Variants in RAF1 observed in about 807,000 individuals in gnomAD.
RAF1 encodes the protein RAF proto-oncogene serine/threonine-protein kinase.
Under a neutral mutation model 81.1 loss-of-function variants are expected in RAF1, and 27 were observed. The observed-to-expected ratio is 0.33, with a 90% CI of 0.25 to 0.46. The LOEUF is 0.46. Ranked by LOEUF, RAF1 falls within the 20% of genes least tolerant of loss-of-function variation. The pLI, the probability that RAF1 is intolerant of heterozygous loss-of-function variation, is 1.00. For missense variants in RAF1, 598 were observed against 826.0 expected (o/e 0.72, Z 3.38); for synonymous variants, 298 against 294.0 (o/e 1.01, Z -0.14).
chr3:12,654,418 A>G (rs1025844252), intron 1 of RAF1, among the ~76,000 whole-genome samples: 4 of 152,014 alleles, frequency 2.6e-5, no homozygotes, highest in Non-Finnish European at 5.9e-5. Flanking sequence ...CCTGGGCAAC[A>G]TGGCAAAACC....
intron 2 of RAF1, among the ~76,000 whole-genome samples, chr3:12,617,285 T>C (rs2059398853): frequency 6.6e-6 from 1 of 152,082 alleles, no homozygotes; most frequent in South Asian, 2.1e-4. Context: ...GCTGTAATTT[T>C]TGCAATTTTA....
At chr3:12,591,958 CTG>C (rs1173888442) in intron 11 of RAF1, 166 bp from the exon 11 acceptor site, 1 of 663,706 alleles carries the variant, frequency 1.5e-6, no homozygotes, top group Non-Finnish European at 2.7e-6. Context: ...GGGTCTCACT[CTG>C]TTGTCTAGGC....
intron 1 of RAF1, among the ~76,000 whole-genome samples, chr3:12,619,150 C>A (rs2059471232): frequency 6.6e-6 from 1 of 152,154 alleles, no homozygotes. Flanking sequence ...GAGGCTGAGG[C>A]AGGAGAATGG....
At chr3:12,648,888 G>A (rs901811911) in intron 1 of RAF1, among the ~76,000 whole-genome samples, 4 of 152,354 alleles carry the variant, frequency 2.6e-5, no homozygotes, top group East Asian at 3.9e-4. Context: ...GCCGACGTGG[G>A]CGGATCACCT....
At chr3:12,661,201 A>C (rs901085819) in intron 1 of RAF1, among the ~76,000 whole-genome samples, 2 of 152,250 alleles carry the variant, frequency 1.3e-5, no homozygotes, top group Non-Finnish European at 2.9e-5. Context: ...TTTAGCATAA[A>C]CATTAATCAC....
At chr3:12,656,025 G>C (rs1178284276) in intron 1 of RAF1, among the ~76,000 whole-genome samples, 3 of 150,798 alleles carry the variant, frequency 2.0e-5, no homozygotes, top group Non-Finnish European at 2.9e-5. Flanking sequence ...TGTGAATGTT[G>C]TTAAATGTCA....
At chr3:12,592,420 T>C (rs2058544896) in intron 11 of RAF1, among the ~76,000 whole-genome samples, 1 of 152,214 alleles carries the variant, frequency 6.6e-6, no homozygotes, top group Admixed American at 6.5e-5. Flanking sequence ...CATTAAAAAG[T>C]AATTCTAATA....
intron 6 of RAF1, among the ~76,000 whole-genome samples, chr3:12,605,892 G>A (rs1575576567): frequency 6.6e-6 from 1 of 152,248 alleles, no homozygotes; most frequent in South Asian, 2.1e-4. Flanking sequence ...TTCCATTGAG[G>A]TTGAACTCAG....
chr3:12,622,106 A>G (rs1008511582), intron 1 of RAF1, among the ~76,000 whole-genome samples: 1 of 152,160 alleles, frequency 6.6e-6, no homozygotes, highest in East Asian at 1.9e-4. Flanking sequence ...ACTCACTCCT[A>G]CATAACTCTA....
intron 1 of RAF1, among the ~76,000 whole-genome samples, chr3:12,619,527 T>C (rs1363724228): frequency 1.3e-5 from 2 of 149,062 alleles, no homozygotes; most frequent in Non-Finnish European, 3.0e-5. Flanking sequence ...ATCGTGTCAT[T>C]GCACTCCAGG....
intron 1 of RAF1, among the ~76,000 whole-genome samples, chr3:12,646,845 A>G (rs4684869): frequency 0.84 from 127,385 of 151,620 alleles, 53,904 homozygotes; most frequent in East Asian, 0.94. Context: ...CACCACGCCC[A>G]GCCTAATTTT....
At chr3:12,591,617 C>G in intron 12 of RAF1, 91 bp downstream of exon 11, 1 of 1,189,374 alleles carries the variant, frequency 8.4e-7, no homozygotes, top group East Asian at 2.3e-5. Flanking sequence ...GCCTGCCCGT[C>G]CCAACCTGCG....
At chr3:12,661,791 T>C (rs55801435) in intron 1 of RAF1, among the ~76,000 whole-genome samples, 1 of 152,138 alleles carries the variant, frequency 6.6e-6, no homozygotes, top group East Asian at 1.9e-4. Flanking sequence ...TGAGCAAGTA[T>C]AACTTTAAGA....
chr3:12,596,375 G>T (rs1248887062), intron 11 of RAF1, among the ~76,000 whole-genome samples: 2 of 151,716 alleles, frequency 1.3e-5, no homozygotes, highest in Non-Finnish European at 2.9e-5. Flanking sequence ...TTTATTTTTA[G>T]TGGAGACAGG....
Position 12,635,769 on chromosome 3 carries a change from T to A in RAF1, c.-26-17022A>T, listed in dbSNP as rs13097767. On this transcript the variant is annotated intron_variant, in intron 1 of 17. Transcript: ENST00000442415. ...TGGGCGGATCACAAGGTCAGGAGAT[T>A]GAGACCATCCTGGCTAACACGGTGA... 2.0e-5 allele frequency among the ~76,000 whole-genome samples: 3 copies of A among 150,912 alleles called. No homozygotes were observed. The East Asian group carries it at 5.8e-4, about 29-fold the overall frequency.
chr3:12,656,756 G>A (rs902909930), intron 1 of RAF1, among the ~76,000 whole-genome samples: 2 of 152,108 alleles, frequency 1.3e-5, no homozygotes, highest in African/African-American at 4.8e-5. Flanking sequence ...CAGCATTCTG[G>A]GAGGCTGAGA....
chr3:12,609,137 T>A, intron 4 of RAF1, 96 bp downstream of exon 4: 1 of 852,352 alleles, frequency 1.2e-6, no homozygotes, highest in Non-Finnish European at 1.9e-6. Flanking sequence ...ACAATCCAAC[T>A]ATATATATAT....
At chr3:12,604,700 T>C (rs1341224736) in intron 6 of RAF1, among the ~76,000 whole-genome samples, 1 of 152,226 alleles carries the variant, frequency 6.6e-6, no homozygotes, top group Non-Finnish European at 1.5e-5. Context: ...AACAGATAAG[T>C]AGACGTGCTG....
At chr3:12,635,836 G>A (rs1296290646) in intron 1 of RAF1, among the ~76,000 whole-genome samples, 1 of 151,350 alleles carries the variant, frequency 6.6e-6, no homozygotes, top group Non-Finnish European at 1.5e-5. Context: ...AGCCAGGCGT[G>A]GTGGCAGGCA....
Sources: allele counts gnomAD v4.1 joint callset (sites outside exome capture counted in the v4.1 genomes callset), GRCh38; gene constraint gnomAD v4.1.1; transcripts MANE v1.5; gene names NCBI Gene and HGNC (gene_info 2026-07-23, HGNC 2026-07-21).